Variants in WDR25 observed in about 807,000 individuals in gnomAD.
WDR25 encodes WD repeat domain 25.
WDR25 carries 35 observed loss-of-function variants against 47.7 expected under a neutral mutation model. That is an observed-to-expected ratio of 0.73 (90% CI 0.56 to 0.97). WDR25 has a LOEUF of 0.97. WDR25 is among the 50% of genes least tolerant of loss of function. The probability of loss-of-function intolerance (pLI) is 0.00; values close to 1 mark genes in which losing one functional copy is unlikely to be tolerated. For synonymous variants in WDR25, 248 were observed against 278.9 expected (o/e 0.89, Z 1.10); for missense variants, 634 against 704.7 (o/e 0.90, Z 1.14).
Position 100,506,249 on chromosome 14 carries a change from C to T in WDR25, c.1102-19621C>T, listed in dbSNP as rs1901107231. Reference sequence around the variant, plus strand: ...GTTGCTGCAAAGGACATGATTTCATCCTTTTTTATGGCTGCATAGTATTCC... The same window carrying T: ...GTTGCTGCAAAGGACATGATTTCATTCTTTTTTATGGCTGCATAGTATTCC... On this transcript the variant is annotated intron_variant, in intron 4 of 6. Transcript: ENST00000402312. This position sits in a 1 kb window ranked among gnomAD's most constrained non-coding sequence, Gnocchi z 4.8. Among the ~76,000 whole-genome samples the T allele has an allele frequency of 6.6e-6, 1 of 152,162 alleles. No homozygotes were observed. The highest frequency in any genetic ancestry group is 6.5e-5 in the Admixed American group (1 of 15,284).
Position 100,468,122 on chromosome 14 carries a change from CAGT to C in WDR25, c.925_927del (p.Ser309del). ...GGGCTCCCTGTGGCCGGCGCATCCT[CAGT>C]GGTGGCTTTGACTTCGCGCTGCACC... On this transcript the variant is annotated inframe_deletion, in exon 3 of 7. Coordinates refer to ENST00000402312, the MANE Select transcript of WDR25 (RefSeq NM_001161476.3). This position sits in a 1 kb window ranked among gnomAD's most constrained non-coding sequence, Gnocchi z 4.5. The C allele has an allele frequency of 1.2e-6, 2 of 1,613,684 alleles. No homozygotes were observed. The highest frequency in any genetic ancestry group is 8.5e-7 in the Non-Finnish European group (1 of 1,180,036).
chr14:100,487,246 G>A (rs952807532), intron 4 of WDR25, among the ~76,000 whole-genome samples: 1 of 152,194 alleles, frequency 6.6e-6, no homozygotes, highest in Middle Eastern at 3.2e-3. Context: ...TCAGATGAAT[G>A]CTTTAACATA....
Position 100,380,978 on chromosome 14 carries a change from G to A in WDR25, c.54G>A (p.Ser18=), listed in dbSNP as rs770424197. Residue 18 remains serine (S), a synonymous_variant, in exon 2 of 7, where the codon TCG becomes TCA. Coordinates refer to ENST00000402312, the MANE Select transcript of WDR25 (RefSeq NM_001161476.3). ...CTTCATTGGTAGCGTATGATGATTC[G>A]GACTCGGAGGCTGAGACAGAGCATG... ...LMASLVAYDD[S]DSEAETEHAG... The A allele has an allele frequency of 4.3e-6, 7 of 1,614,162 alleles. No homozygotes were observed. The East Asian group carries it at 6.7e-5, about 15-fold the overall frequency.
rs117846950 is a variant in WDR25 at position 100,482,836 on chromosome 14, G to A, written c.971-1158G>A. 6.1e-3 allele frequency among the ~76,000 whole-genome samples: 925 copies of A among 152,334 alleles called. 8 individuals are homozygous for A. The highest frequency in any genetic ancestry group is 8.0e-3 in the Non-Finnish European group (547 of 68,036). On this transcript the variant is annotated intron_variant, in intron 3 of 6. Coordinates refer to ENST00000402312, the MANE Select transcript of WDR25 (RefSeq NM_001161476.3). ...GTCTTCTTCGCCACCAGCTTCCCGT[G>A]TCCCTAAGTAGCCCACTGCTCAGTC...
At chr14:100,474,731 C>T (rs147076652) in intron 3 of WDR25, among the ~76,000 whole-genome samples, 2 of 152,286 alleles carry the variant, frequency 1.3e-5, no homozygotes, top group East Asian at 3.9e-4. Flanking sequence ...TGACAATGGT[C>T]TGGGCAATGA....
At chr14:100,389,851 C>A (rs145931255) in intron 2 of WDR25, among the ~76,000 whole-genome samples, 3 of 152,128 alleles carry the variant, frequency 2.0e-5, no homozygotes. Flanking sequence ...GGAGCTCGGC[C>A]CCCCCATAGA....
chr14:100,383,625 T>G (rs901985164), intron 2 of WDR25, among the ~76,000 whole-genome samples: 2 of 152,238 alleles, frequency 1.3e-5, no homozygotes, highest in Non-Finnish European at 2.9e-5. Flanking sequence ...CCCTGGGCCC[T>G]GCTGGCAGAG....
intron 2 of WDR25, among the ~76,000 whole-genome samples, chr14:100,452,267 G>A (rs956275896): frequency 6.6e-6 from 1 of 152,152 alleles, no homozygotes; most frequent in Non-Finnish European, 1.5e-5. Flanking sequence ...TCTAGTATAT[G>A]CTAGACTCTG....
intron 2 of WDR25, among the ~76,000 whole-genome samples, chr14:100,402,316 AT>A (rs2140173307): frequency 6.6e-6 from 1 of 152,194 alleles, no homozygotes; most frequent in South Asian, 2.1e-4. Context: ...CAGAGGGACA[AT>A]CTTTATTTAA....
Position 100,529,342 on chromosome 14 carries a change from A to G in WDR25, c.1413+134A>G. 2 of 1,351,958 alleles carry G rather than the reference A, an allele frequency of 1.5e-6. No homozygotes were observed. Among genetic ancestry groups the G allele is most frequent in the Non-Finnish European group, 1.0e-6 (1 of 989,690 alleles). 83.7% of individuals were successfully genotyped at this position (1,351,958 alleles called of 1,614,324 possible). A position where few individuals can be genotyped will look rare whatever the true frequency, so the allele number is the denominator to read the frequency against. On this transcript the variant is annotated intron_variant, in intron 6 of 6. Coordinates refer to ENST00000402312, the MANE Select transcript of WDR25 (RefSeq NM_001161476.3). This position sits in a 1 kb window ranked among gnomAD's most constrained non-coding sequence, Gnocchi z 5.1. ...TGCTTTCTGTTTCCTGGGTGAGCGCATGCCATGTGGCTCACTGTCTCTTCA... is the reference window on the plus strand; with the variant it reads ...TGCTTTCTGTTTCCTGGGTGAGCGCGTGCCATGTGGCTCACTGTCTCTTCA...
At chr14:100,478,040 C>A (rs973238160) in intron 3 of WDR25, among the ~76,000 whole-genome samples, 1 of 151,974 alleles carries the variant, frequency 6.6e-6, no homozygotes, top group African/African-American at 2.4e-5. Flanking sequence ...TGCAGTGAGC[C>A]GGATAGCACC....
intron 4 of WDR25, among the ~76,000 whole-genome samples, chr14:100,493,225 G>A (rs1199225868): frequency 6.6e-6 from 1 of 152,188 alleles, no homozygotes; most frequent in Non-Finnish European, 1.5e-5. Flanking sequence ...AGCCACAGCA[G>A]TCGGTTGAGA....
At chr14:100,473,862 T>G (rs1003873389) in intron 3 of WDR25, among the ~76,000 whole-genome samples, 2 of 152,208 alleles carry the variant, frequency 1.3e-5, no homozygotes, top group African/African-American at 2.4e-5. Context: ...GGCTGGAGTT[T>G]CGCTAGCGTA....
At chr14:100,389,114 A>T (rs1464244825) in intron 2 of WDR25, among the ~76,000 whole-genome samples, 2 of 152,204 alleles carry the variant, frequency 1.3e-5, no homozygotes, top group African/African-American at 4.8e-5. Context: ...TGTCCAAATG[A>T]GTTGTTTTAG....
Position 100,468,042 on chromosome 14 carries a change from G to T in WDR25, c.844G>T (p.Gly282Trp). 1 of 1,612,904 alleles carries T rather than the reference G, an allele frequency of 6.2e-7. No individual in the cohort carries two copies. Among genetic ancestry groups the T allele is most frequent in the South Asian group, 1.1e-5 (1 of 91,036 alleles). The part of the protein sequence containing the change: ...TFKVWNAVDS[G>W]HCLQTYSLHT... ...GCAGGTATGGAACGCCGTGGACTCC[G>T]GGCACTGCCTGCAGACCTACTCCCT... The change falls in exon 3 of 7, where the codon GGG becomes TGG. Residue 282 changes from glycine to tryptophan, a missense_variant. Coordinates refer to ENST00000402312, the MANE Select transcript of WDR25 (RefSeq NM_001161476.3). This position sits in a 1 kb window ranked among gnomAD's most constrained non-coding sequence, Gnocchi z 4.5.
chr14:100,488,385 G>C lies in WDR25; in HGVS notation c.1101+4261G>C, dbSNP rs1900453106. Among the ~76,000 whole-genome samples, 1 of 152,136 alleles carries C rather than the reference G, an allele frequency of 6.6e-6. No individual in the cohort carries two copies. The highest frequency in any genetic ancestry group is 2.4e-5 in the African/African-American group (1 of 41,426). On this transcript the variant is annotated intron_variant, in intron 4 of 6. Transcript: ENST00000402312. This position sits in a 1 kb window ranked among gnomAD's most constrained non-coding sequence, Gnocchi z 4.2. ...TATAGTATTGTGAGGGTCAATTTCTGCAGAAGCCCCTGAGCCTCTAGTGCC... is the reference window on the plus strand; with the variant it reads ...TATAGTATTGTGAGGGTCAATTTCTCCAGAAGCCCCTGAGCCTCTAGTGCC...
At chr14:100,467,166 A>T (rs1899659020) in intron 2 of WDR25, among the ~76,000 whole-genome samples, 1 of 152,234 alleles carries the variant, frequency 6.6e-6, no homozygotes, top group Non-Finnish European at 1.5e-5. Flanking sequence ...AGATATTTGT[A>T]CTTTGACTGG....
At chr14:100,381,793 C>T in intron 2 of WDR25, 47 bp downstream of exon 2, 1 of 1,453,164 alleles carries the variant, frequency 6.9e-7, no homozygotes, top group South Asian at 1.3e-5. Context: ...CTTAGGAATA[C>T]ACTGCTGGAA....
intron 4 of WDR25, among the ~76,000 whole-genome samples, chr14:100,522,067 G>A (rs181292786): frequency 7.7e-4 from 117 of 152,026 alleles, no homozygotes; most frequent in Non-Finnish European, 8.8e-5. Context: ...TTCCTTGCCC[G>A]TTTTTCTGTA....
Sources: gnomAD v4.1 joint callset for allele counts (sites outside exome capture counted in the v4.1 genomes callset) on GRCh38, gnomAD v4.1.1 for gene constraint, Gnocchi (gnomAD v3.1) non-coding constraint, MANE v1.5 for transcripts, NCBI Gene and HGNC (gene_info 2026-07-23, HGNC 2026-07-21) for gene names.